The following ITGAV variants were observed in gnomAD, a reference collection of about 807,000 sequenced individuals.
The protein encoded by ITGAV is integrin subunit alpha V.
Under a neutral mutation model 143.8 loss-of-function variants are expected in ITGAV, and 76 were observed. That is an observed-to-expected ratio of 0.53 (90% confidence interval 0.44 to 0.64). The LOEUF (loss-of-function observed/expected upper bound fraction) is 0.64. Among genes scored for constraint, ITGAV ranks in the 30% least tolerant of loss-of-function variants. The probability of loss-of-function intolerance (pLI) is 0.00; values close to 1 mark genes in which losing one functional copy is unlikely to be tolerated. For synonymous variants in ITGAV, 453 were observed against 446.7 expected (o/e 1.01, Z -0.18); for missense variants, 1,193 against 1,274.7 (o/e 0.94, Z 0.98).
intron 26 of ITGAV, among the ~76,000 whole-genome samples, chr2:186,672,229 C>T (rs1303162068): frequency 6.6e-6 from 1 of 152,110 alleles, no homozygotes; most frequent in African/African-American, 2.4e-5. Flanking sequence ...GGATTACAGG[C>T]GTGAACTACC....
chr2:186,601,854 C>T (rs1043885187), intron 1 of ITGAV, among the ~76,000 whole-genome samples, 167 bp from the exon 2 acceptor site: 35 of 152,230 alleles, frequency 2.3e-4, no homozygotes, highest in African/African-American at 7.9e-4. Context: ...TGTATGCATG[C>T]AAGAGACTAC....
At chr2:186,652,611 G>A (rs559349317) in intron 15 of ITGAV, among the ~76,000 whole-genome samples, 8 of 152,230 alleles carry the variant, frequency 5.3e-5, no homozygotes, top group South Asian at 2.1e-4. Flanking sequence ...AGAATTATGC[G>A]TGGTCAATGA....
chr2:186,674,600 C>T (rs1689157066), intron 26 of ITGAV, among the ~76,000 whole-genome samples: 1 of 151,862 alleles, frequency 6.6e-6, no homozygotes, highest in Non-Finnish European at 1.5e-5. Context: ...CAACTTCTGC[C>T]CCCCAGGTTC....
intron 3 of ITGAV, among the ~76,000 whole-genome samples, chr2:186,624,948 T>A (rs1687632450): frequency 9.6e-5 from 1 of 10,442 alleles, no homozygotes; most frequent in African/African-American, 1.6e-4. Context: ...TTGCTAACTA[T>A]TTTGAAAAAA....
At chr2:186,647,031 A>G (rs1322784620) in intron 13 of ITGAV, among the ~76,000 whole-genome samples, 154 bp downstream of exon 13, 1 of 152,208 alleles carries the variant, frequency 6.6e-6, no homozygotes, top group Non-Finnish European at 1.5e-5. Context: ...CATTCCCGTC[A>G]CCTAAGGGTA....
At chr2:186,667,489 T>TA (rs1335405726) in intron 23 of ITGAV, among the ~76,000 whole-genome samples, 182 bp from the exon 24 acceptor site, 1 of 152,222 alleles carries the variant, frequency 6.6e-6, no homozygotes, top group Non-Finnish European at 1.5e-5. Context: ...ATTCACCTGT[T>TA]ACGTGTACAT....
At chr2:186,663,131 A>C (rs1316146271) in intron 18 of ITGAV, among the ~76,000 whole-genome samples, 1 of 151,874 alleles carries the variant, frequency 6.6e-6, no homozygotes, top group East Asian at 1.9e-4. Flanking sequence ...GTGGGGAAAA[A>C]GTTCAGGTCT....
intron 5 of ITGAV, among the ~76,000 whole-genome samples, chr2:186,632,492 A>G (rs1052142138): frequency 5.9e-5 from 9 of 152,280 alleles, no homozygotes; most frequent in African/African-American, 2.2e-4. Flanking sequence ...TGGAGGGGAA[A>G]AAAAATTTAT....
rs201927835 is a variant in ITGAV at position 186,656,393 on chromosome 2, T to G, written c.1711T>G (p.Tyr571Asp). 1 of 1,484,980 alleles carries G rather than the reference T, an allele frequency of 6.7e-7. No homozygotes were observed. The highest frequency in any genetic ancestry group is 8.9e-7 in the Non-Finnish European group (1 of 1,122,824). The allele number at this position is 1,484,980 out of a possible 1,614,324, so 92.0% of individuals were successfully genotyped here. A position where few individuals can be genotyped will look rare whatever the true frequency, so the allele number is the denominator to read the frequency against. ...GLMQCEELIA[Y>D]LRDESEFRDK... Reference sequence around the variant, plus strand: ...GATGCAGTGTGAGGAATTGATAGCGTATCTGCGGGTAAGAGCTAACTTTTC... The same window carrying G: ...GATGCAGTGTGAGGAATTGATAGCGGATCTGCGGGTAAGAGCTAACTTTTC... The change falls in exon 17 of 30, where the codon TAT becomes GAT. Residue 571 changes from tyrosine to aspartate, a missense_variant. Physicochemically the swap from Tyr to Asp is radical, Grantham distance 160. Coordinates refer to ENST00000261023, the MANE Select transcript of ITGAV (RefSeq NM_002210.5).
At chr2:186,622,118 G>A (rs1687543145) in intron 2 of ITGAV, among the ~76,000 whole-genome samples, 1 of 152,032 alleles carries the variant, frequency 6.6e-6, no homozygotes, top group Non-Finnish European at 1.5e-5. Context: ...TGATAATGGG[G>A]CTAATAATAA....
chr2:186,641,039 T>C, intron 11 of ITGAV, 72 bp downstream of exon 11: 2 of 1,170,364 alleles, frequency 1.7e-6, no homozygotes, highest in South Asian at 2.8e-5. Flanking sequence ...AAACTAAACA[T>C]TTTTTTCTTC....
At chr2:186,625,074 T>C (rs1253384623) in intron 3 of ITGAV, among the ~76,000 whole-genome samples, 1 of 152,198 alleles carries the variant, frequency 6.6e-6, no homozygotes, top group Non-Finnish European at 1.5e-5. Flanking sequence ...GATTAATTTC[T>C]ATGAATGCTT....
chr2:186,669,986 T>G, intron 26 of ITGAV, 172 bp downstream of exon 26: 1 of 570,638 alleles, frequency 1.8e-6, no homozygotes, highest in African/African-American at 1.9e-5. Context: ...AATGCCATAT[T>G]TTCTTCAAAT....
intron 15 of ITGAV, among the ~76,000 whole-genome samples, chr2:186,652,489 G>T (rs1020886961): frequency 6.6e-6 from 1 of 151,908 alleles, no homozygotes; most frequent in Non-Finnish European, 1.5e-5. Flanking sequence ...CATTGCACCT[G>T]GCCTTATACT....
intron 26 of ITGAV, 87 bp downstream of exon 26, chr2:186,669,901 A>G: frequency 2.3e-6 from 2 of 863,874 alleles, no homozygotes; most frequent in East Asian, 2.6e-5. Flanking sequence ...CAAAAATAAC[A>G]ACAGCTGTGC....
chr2:186,628,209 G>T (rs549312768), intron 4 of ITGAV, among the ~76,000 whole-genome samples: 5 of 152,140 alleles, frequency 3.3e-5, no homozygotes, highest in African/African-American at 1.2e-4. Context: ...ACGAATAATT[G>T]GTTTTATGAG....
intron 17 of ITGAV, among the ~76,000 whole-genome samples, chr2:186,656,965 T>G (rs547703413): frequency 6.8e-6 from 1 of 147,092 alleles, no homozygotes; most frequent in East Asian, 2.0e-4. Context: ...TAGGTTAAGT[T>G]TGATCAAATA....
intron 8 of ITGAV, among the ~76,000 whole-genome samples, chr2:186,637,817 T>C (rs1379918794): frequency 6.6e-6 from 1 of 152,198 alleles, no homozygotes; most frequent in Non-Finnish European, 1.5e-5. Flanking sequence ...TCTGTACGGT[T>C]ATTACCCCAT....
intron 4 of ITGAV, among the ~76,000 whole-genome samples, chr2:186,630,390 G>T (rs1477444108): frequency 1.3e-5 from 2 of 151,226 alleles, no homozygotes; most frequent in African/African-American, 2.4e-5. Context: ...AAATAAAATA[G>T]AAAATGTCAG....
Sources: allele counts gnomAD v4.1 joint callset (sites outside exome capture counted in the v4.1 genomes callset), GRCh38; gene constraint gnomAD v4.1.1; transcripts MANE v1.5; gene names NCBI Gene and HGNC (gene_info 2026-07-23, HGNC 2026-07-21).